Variants in CHD6 observed in about 807,000 individuals in gnomAD.
The protein encoded by CHD6 is ATP-dependent chromatin remodeler CHD6.
CHD6 carries 50 observed loss-of-function variants against 276.9 expected under a neutral mutation model. The ratio of observed to expected loss-of-function variants is 0.18; its 90% CI spans 0.14 to 0.23. The LOEUF is 0.23. Among genes scored for constraint, CHD6 ranks in the 10% least tolerant of loss-of-function variants. The pLI is 1.00. For missense variants in CHD6, 2,564 were observed against 3,365.8 expected (o/e 0.76, Z 5.89); for synonymous variants, 1,173 against 1,229.3 (o/e 0.95, Z 0.96).
chr20:41,440,532 T>C (rs2047868487), intron 25 of CHD6, among the ~76,000 whole-genome samples: 1 of 152,192 alleles, frequency 6.6e-6, no homozygotes, highest in Non-Finnish European at 1.5e-5. Flanking sequence ...AAGGTGAACA[T>C]GATGGATGGC....
At chr20:41,435,887 T>C (rs984478962) in intron 27 of CHD6, among the ~76,000 whole-genome samples, 13 of 152,116 alleles carry the variant, frequency 8.5e-5, no homozygotes, top group African/African-American at 3.1e-4. Context: ...CTCAGGATTA[T>C]GTGCTACTGA....
At chr20:41,523,652 T>G (rs533476846) in intron 3 of CHD6, among the ~76,000 whole-genome samples, 39 of 150,032 alleles carry the variant, frequency 2.6e-4, no homozygotes, top group Non-Finnish European at 5.2e-4. Flanking sequence ...TGTTTTTTGT[T>G]TTTTTTTTTG....
intron 36 of CHD6, 131 bp from the exon 37 acceptor site, chr20:41,405,620 A>C (rs1600777321): frequency 1.6e-6 from 1 of 638,156 alleles, no homozygotes; most frequent in Non-Finnish European, 2.7e-6. Flanking sequence ...TACAAGGAGC[A>C]CCTCCCGCCT....
chr20:41,509,995 G>A (rs2044076648), intron 5 of CHD6, among the ~76,000 whole-genome samples: 1 of 152,154 alleles, frequency 6.6e-6, no homozygotes, highest in South Asian at 2.1e-4. Flanking sequence ...AGGGCCAGCA[G>A]TCACAGAATT....
intron 25 of CHD6, 140 bp from the exon 26 acceptor site, chr20:41,440,269 C>T (rs2047858197): frequency 1.3e-6 from 1 of 762,550 alleles, no homozygotes; most frequent in South Asian, 2.1e-5. Flanking sequence ...TAATGAGATC[C>T]TATAAGACTA....
At chr20:41,572,601 C>CA (rs1486110762) in intron 1 of CHD6, among the ~76,000 whole-genome samples, 1 of 152,142 alleles carries the variant, frequency 6.6e-6, no homozygotes, top group Non-Finnish European at 1.5e-5. Flanking sequence ...AGGGCCTTCC[C>CA]AATGCGGACT....
At chr20:41,581,689 A>T (rs1213137929) in intron 1 of CHD6, among the ~76,000 whole-genome samples, 1 of 149,316 alleles carries the variant, frequency 6.7e-6, no homozygotes, top group Non-Finnish European at 1.5e-5. Flanking sequence ...AAAAAAAAAA[A>T]TCACCATTAT....
chr20:41,426,256 T>A, intron 27 of CHD6, 103 bp from the exon 28 acceptor site: 1 of 827,140 alleles, frequency 1.2e-6, no homozygotes, highest in Non-Finnish European at 2.1e-6. Context: ...ATAAGAGCTG[T>A]CCCCTGCCCA....
intron 29 of CHD6, among the ~76,000 whole-genome samples, chr20:41,424,919 T>A (rs1286806545): frequency 6.6e-6 from 1 of 152,188 alleles, no homozygotes; most frequent in African/African-American, 2.4e-5. Context: ...CCCCAGAGAC[T>A]GGGGTTTAAC....
At chr20:41,587,056 T>C (rs2045603278) in intron 1 of CHD6, among the ~76,000 whole-genome samples, 1 of 152,132 alleles carries the variant, frequency 6.6e-6, no homozygotes, top group East Asian at 1.9e-4. Flanking sequence ...TAACTAATCA[T>C]AACATAGAAA....
Position 41,413,442 on chromosome 20 carries a change from GC to G in CHD6, c.7012del (p.Ala2338LeufsTer25). Reference protein sequence around the residue: ...HPEGPGPATSAPEPATAASSQ... With the variant: ...HPEGPGPATSXPEPATAASSQ... ...GCTGGCTGCCGTAGCTGGCTCAGGA[GC>G]CGAGGTGGCAGGCCCTGGCCCCTCA... On this transcript the variant is annotated frameshift_variant, in exon 35 of 37. Transcript: ENST00000373233. LOFTEE classifies it high-confidence loss of function. The G allele has an allele frequency of 6.2e-7, 1 of 1,611,554 alleles. No individual in the cohort carries two copies. Among genetic ancestry groups the G allele is most frequent in the Non-Finnish European group, 8.5e-7 (1 of 1,179,656 alleles).
At chr20:41,599,562 C>T (rs2045753051) in intron 1 of CHD6, among the ~76,000 whole-genome samples, 1 of 152,064 alleles carries the variant, frequency 6.6e-6, no homozygotes, top group Non-Finnish European at 1.5e-5. Context: ...TCTCGATTCT[C>T]CCCCTCCCTA....
intron 1 of CHD6, among the ~76,000 whole-genome samples, chr20:41,566,089 T>TA (rs745967451): frequency 7.3e-5 from 11 of 151,300 alleles, no homozygotes; most frequent in Admixed American, 1.3e-4. Context: ...TGAAGCACAT[T>TA]AAAAAAAAAT....
intron 27 of CHD6, among the ~76,000 whole-genome samples, chr20:41,429,295 T>C (rs1262216070): frequency 6.6e-6 from 1 of 152,216 alleles, no homozygotes; most frequent in East Asian, 1.9e-4. Flanking sequence ...AACCCAAATA[T>C]ACTTTCAGAC....
intron 26 of CHD6, among the ~76,000 whole-genome samples, chr20:41,439,671 T>C (rs1175122546): frequency 1.3e-5 from 2 of 151,952 alleles, no homozygotes; most frequent in African/African-American, 4.8e-5. Context: ...GCATGGGAGG[T>C]CTGAATTCTC....
chr20:41,488,362 A>T, intron 13 of CHD6, 66 bp downstream of exon 13: 5 of 1,402,946 alleles, frequency 3.6e-6, no homozygotes, highest in Non-Finnish European at 4.9e-6. Context: ...CAGAATGGCT[A>T]AAGAGTGTTT....
At chr20:41,604,832 A>C (rs7352951) in intron 1 of CHD6, among the ~76,000 whole-genome samples, 5 of 152,128 alleles carry the variant, frequency 3.3e-5, no homozygotes, top group African/African-American at 9.7e-5. Flanking sequence ...GAATCCTCGG[A>C]CTACCAGGTC....
intron 33 of CHD6, 143 bp from the exon 34 acceptor site, chr20:41,415,781 AC>A (rs2046977983): frequency 4.7e-6 from 3 of 632,994 alleles, no homozygotes; most frequent in Non-Finnish European, 8.1e-6. Context: ...GCCTCCTCAA[AC>A]CTGAACAGCT....
chr20:41,542,869 C>G (rs1466569015), intron 2 of CHD6, among the ~76,000 whole-genome samples: 2 of 151,956 alleles, frequency 1.3e-5, no homozygotes, highest in African/African-American at 4.8e-5. Context: ...CTTTGGGAGG[C>G]TGAGGCGGGT....
Sources: allele counts gnomAD v4.1 joint callset (sites outside exome capture counted in the v4.1 genomes callset), GRCh38; gene constraint gnomAD v4.1.1; transcripts MANE v1.5; gene names NCBI Gene and HGNC (gene_info 2026-07-23, HGNC 2026-07-21).